The following CCDC30 variants were observed in gnomAD, a reference collection of about 807,000 sequenced individuals.
CCDC30 encodes the protein coiled-coil domain-containing protein 30.
In CCDC30, 70 loss-of-function variants were observed where a neutral mutation model predicts 100.2. The observed-to-expected ratio is 0.70, with a 90% CI of 0.58 to 0.85. The LOEUF is 0.85. CCDC30 is among the 40% of genes least tolerant of loss of function. CCDC30 has a pLI of 0.00. For synonymous variants in CCDC30, 233 were observed against 269.5 expected (o/e 0.86, Z 1.33); for missense variants, 652 against 771.2 (o/e 0.85, Z 1.83).
At chr1:42,519,926 T>TA (rs1373275771) in intron 6 of CCDC30, among the ~76,000 whole-genome samples, 2 of 152,328 alleles carry the variant, frequency 1.3e-5, no homozygotes, top group African/African-American at 4.8e-5. Context: ...AGTACACTCT[T>TA]AAAATCACTT....
At chr1:42,485,785 A>C (rs754600831) in intron 3 of CCDC30, among the ~76,000 whole-genome samples, 5 of 152,212 alleles carry the variant, frequency 3.3e-5, no homozygotes, top group African/African-American at 7.2e-5. Flanking sequence ...TAGATGTGTT[A>C]ATTAACTTGA....
rs1017870254 is a variant in CCDC30, at chr1:42,545,588, G to C, written c.457-20708G>C. ...GAGACAGAGGAACTCTGGTAAATTG[G>C]GAAAATCCTATATCACATTAATTAT... On this transcript the variant is annotated intron_variant, in intron 6 of 16. Transcript: ENST00000668663. The C allele has an allele frequency of 5.0e-6, 8 of 1,594,836 alleles. No homozygotes were observed. In the South Asian group the frequency reaches 6.9e-5, roughly 14 times the overall value.
intron 11 of CCDC30, among the ~76,000 whole-genome samples, chr1:42,621,328 T>A (rs1646826022): frequency 6.6e-6 from 1 of 151,940 alleles, no homozygotes; most frequent in Admixed American, 6.6e-5. Context: ...TCTTTTCTTT[T>A]TTCTTTTTCA....
At chr1:42,534,438 T>G (rs1644859622) in intron 6 of CCDC30, among the ~76,000 whole-genome samples, 1 of 152,234 alleles carries the variant, frequency 6.6e-6, no homozygotes, top group Non-Finnish European at 1.5e-5. Context: ...CATTTCCTTG[T>G]GCAGTGCTGC....
At chr1:42,622,622 A>G (rs1045590496) in intron 11 of CCDC30, among the ~76,000 whole-genome samples, 3 of 150,378 alleles carry the variant, frequency 2.0e-5, no homozygotes, top group African/African-American at 7.3e-5. Context: ...GTACTTATGC[A>G]CCACCGCACC....
At chr1:42,476,423 C>G (rs1643881618) in intron 1 of CCDC30, among the ~76,000 whole-genome samples, 1 of 152,126 alleles carries the variant, frequency 6.6e-6, no homozygotes, top group South Asian at 2.1e-4. Flanking sequence ...TAGGTACACA[C>G]TTAGGTGCTA....
At chr1:42,520,632 A>ATT (rs1644624927) in intron 6 of CCDC30, among the ~76,000 whole-genome samples, 1 of 82,530 alleles carries the variant, frequency 1.2e-5, no homozygotes, top group African/African-American at 4.7e-5. Flanking sequence ...GCCCGGCCTC[A>ATT]TCTTTTTTTT....
At chr1:42,569,643 T>C (rs1253048866) in intron 7 of CCDC30, among the ~76,000 whole-genome samples, 1 of 152,184 alleles carries the variant, frequency 6.6e-6, no homozygotes. Flanking sequence ...GCCAAAGGAT[T>C]ATAAATCATT....
At chr1:42,553,031 A>G (rs997215994) in intron 6 of CCDC30, among the ~76,000 whole-genome samples, 1 of 152,142 alleles carries the variant, frequency 6.6e-6, no homozygotes. Flanking sequence ...GAGGGTGGAA[A>G]TCTAGGCTCC....
intron 15 of CCDC30, among the ~76,000 whole-genome samples, chr1:42,646,830 C>T (rs1225990703): frequency 6.6e-6 from 1 of 151,998 alleles, no homozygotes; most frequent in Admixed American, 6.6e-5. Context: ...TGGCTGGGTG[C>T]GGTGGTTCAT....
intron 11 of CCDC30, among the ~76,000 whole-genome samples, chr1:42,615,076 C>T (rs1473368821): frequency 1.3e-5 from 2 of 152,168 alleles, no homozygotes; most frequent in Admixed American, 1.3e-4. Context: ...GGGAGGAAAC[C>T]TCAAATCCAT....
intron 11 of CCDC30, among the ~76,000 whole-genome samples, chr1:42,624,840 A>T (rs576009652): frequency 6.6e-6 from 1 of 152,204 alleles, no homozygotes; most frequent in Non-Finnish European, 1.5e-5. Context: ...AGTGGCCTGC[A>T]GTTTTCTTTT....
intron 6 of CCDC30, among the ~76,000 whole-genome samples, chr1:42,514,245 T>C (rs1403815682): frequency 3.3e-5 from 5 of 152,230 alleles, no homozygotes; most frequent in Non-Finnish European, 7.3e-5. Flanking sequence ...TTTTCATGTC[T>C]CTTGGGGATA....
intron 4 of CCDC30, among the ~76,000 whole-genome samples, chr1:42,493,217 G>T (rs1214626653): frequency 2.0e-5 from 3 of 151,912 alleles, no homozygotes; most frequent in Non-Finnish European, 4.4e-5. Context: ...ATAAGAATAA[G>T]AAGAATAAGA....
At chr1:42,582,285 AG>A (rs1263629610) in intron 9 of CCDC30, among the ~76,000 whole-genome samples, 1 of 152,194 alleles carries the variant, frequency 6.6e-6, no homozygotes, top group African/African-American at 2.4e-5. Context: ...CACTTTTGTA[AG>A]TGATGAAGCA....
exon 13 of CCDC30, chr1:42,642,483 T>C: frequency 6.3e-7 from 1 of 1,585,800 alleles, no homozygotes; most frequent in South Asian, 1.2e-5. Context: ...GAGAAGGCAA[T>C]ACAGGACCAG....
chr1:42,587,789 C>G (rs1322418375), intron 9 of CCDC30, among the ~76,000 whole-genome samples: 1 of 152,162 alleles, frequency 6.6e-6, no homozygotes, highest in African/African-American at 2.4e-5. Flanking sequence ...AGATGAATCT[C>G]CTAAGTCCAG....
the CCDC30 span, chr1:42,457,344 A>G: frequency 1.9e-6 from 3 of 1,613,294 alleles, no homozygotes; most frequent in South Asian, 1.1e-5. Context: ...CTGGGGGCCC[A>G]CTGCAGGTGA....
At chr1:42,518,652 A>C (rs1472684358) in intron 6 of CCDC30, among the ~76,000 whole-genome samples, 4 of 152,242 alleles carry the variant, frequency 2.6e-5, no homozygotes, top group Non-Finnish European at 5.9e-5. Context: ...GTGTAAGTAC[A>C]TTCTATGATG....
Sources: gnomAD v4.1 joint callset for allele counts (sites outside exome capture counted in the v4.1 genomes callset) on GRCh38, gnomAD v4.1.1 for gene constraint, MANE v1.5 for transcripts, NCBI Gene and HGNC (gene_info 2026-07-23, HGNC 2026-07-21) for gene names.